The following STARD13 variants were observed in gnomAD, a reference collection of about 807,000 sequenced individuals.
STARD13 encodes the protein StAR related lipid transfer domain containing 13.
A neutral mutation model predicts 106.4 loss-of-function variants in STARD13; 62 were observed. That is an observed-to-expected ratio of 0.58 (90% CI 0.48 to 0.72). STARD13 has a LOEUF of 0.72. STARD13 is among the 30% of genes least tolerant of loss of function. The pLI is 0.00. For missense variants in STARD13, 1,387 were observed against 1,424.0 expected, an observed-to-expected ratio of 0.97 and a Z score of 0.42; for synonymous variants, 565 against 553.0, an observed-to-expected ratio of 1.02 and a Z score of -0.31.
chr13:33,471,430 C>T, the STARD13 span, among the ~76,000 whole-genome samples: 2 of 152,272 alleles, frequency 1.3e-5, no homozygotes, highest in East Asian at 1.9e-4. Context: ...CTTCTAAACC[C>T]ACAGATCTAT....
the STARD13 span, among the ~76,000 whole-genome samples, chr13:33,543,880 C>T: frequency 6.6e-6 from 1 of 152,186 alleles, no homozygotes; most frequent in Non-Finnish European, 1.5e-5. Flanking sequence ...GCAGGACAGA[C>T]GGTACTAAAA....
intron 9 of STARD13, among the ~76,000 whole-genome samples, chr13:33,112,219 C>T (rs545420189): frequency 6.6e-6 from 1 of 152,268 alleles, no homozygotes; most frequent in South Asian, 2.1e-4. Flanking sequence ...TTGTAAAATA[C>T]TACTTTGTGT....
chr13:33,216,219 T>C (rs55887935), intron 1 of STARD13, among the ~76,000 whole-genome samples: 248 of 152,316 alleles, frequency 1.6e-3, no homozygotes, highest in African/African-American at 5.9e-3. Flanking sequence ...ACTGGGTATC[T>C]ACTGAGAGGA....
At chr13:33,650,164 A>ATGTTTTTTTTTTT in the STARD13 span, among the ~76,000 whole-genome samples, 22 of 48,380 alleles carry the variant, frequency 4.5e-4, 1 homozygote, top group East Asian at 2.9e-3. Flanking sequence ...CGTGACTCCA[A>ATGTTTTTTTTTTT]TTTTTTTTTT....
the STARD13 span, among the ~76,000 whole-genome samples, chr13:33,461,384 C>T: frequency 0.16 from 23,693 of 152,090 alleles, 2,640 homozygotes; most frequent in African/African-American, 0.31. Context: ...ATGCTAAGTG[C>T]TTGTGCTAAG....
At chr13:33,643,226 G>A in the STARD13 span, among the ~76,000 whole-genome samples, 19 of 151,404 alleles carry the variant, frequency 1.3e-4, no homozygotes, top group African/African-American at 4.4e-4. Context: ...CTTTTAGGAA[G>A]AGCTTGACTG....
At chr13:33,510,162 C>T in the STARD13 span, among the ~76,000 whole-genome samples, 32 of 152,244 alleles carry the variant, frequency 2.1e-4, no homozygotes, top group Middle Eastern at 3.4e-3. Context: ...TATCTTTTAG[C>T]CAGAGGTTGC....
At chr13:33,186,519 T>C (rs1441940135) in intron 1 of STARD13, among the ~76,000 whole-genome samples, 2 of 152,204 alleles carry the variant, frequency 1.3e-5, no homozygotes, top group African/African-American at 4.8e-5. Flanking sequence ...GCAGCAAAGA[T>C]GATGATTCTA....
intron 1 of STARD13, among the ~76,000 whole-genome samples, chr13:33,184,500 A>T (rs1469485834): frequency 6.6e-6 from 1 of 152,146 alleles, no homozygotes; most frequent in Non-Finnish European, 1.5e-5. Flanking sequence ...TTGGAATTTT[A>T]AAAAAATCTT....
chr13:33,142,195 TTTA>T, intron 4 of STARD13, 112 bp downstream of exon 4: 9 of 812,370 alleles, frequency 1.1e-5, no homozygotes, highest in Non-Finnish European at 1.2e-5. Context: ...GCCCAGCTAA[TTTA>T]TTATTATTAT....
chr13:33,393,799 A>G, the STARD13 span, among the ~76,000 whole-genome samples: 1 of 152,258 alleles, frequency 6.6e-6, no homozygotes, highest in South Asian at 2.1e-4. Flanking sequence ...ACCAAGGTCT[A>G]TTGGATACCC....
chr13:33,141,812 C>A (rs1004176479), intron 4 of STARD13, among the ~76,000 whole-genome samples: 1 of 152,096 alleles, frequency 6.6e-6, no homozygotes, highest in African/African-American at 2.4e-5. Context: ...AAGGGGTTGA[C>A]ATTTACAACG....
the STARD13 span, among the ~76,000 whole-genome samples, chr13:33,534,635 T>C: frequency 6.6e-6 from 1 of 152,206 alleles, no homozygotes; most frequent in Non-Finnish European, 1.5e-5. Context: ...ATATATAGAA[T>C]ACACTGTTGA....
chr13:33,350,618 G>A (rs960039196), exon 1 of STARD13: 6 of 1,381,424 alleles, frequency 4.3e-6, no homozygotes, highest in South Asian at 3.2e-5. Flanking sequence ...CAGAAACGCC[G>A]CGCTAGGTTA....
chr13:33,205,647 C>G (rs562548521), intron 1 of STARD13, among the ~76,000 whole-genome samples: 1 of 152,168 alleles, frequency 6.6e-6, no homozygotes. Context: ...GCCAAAATGA[C>G]AGTCACTGCT....
chr13:33,676,771 A>G, the STARD13 span: 8 of 152,178 alleles, frequency 5.3e-5, no homozygotes, highest in African/African-American at 1.9e-4. Flanking sequence ...CATCTGTCAT[A>G]GCACTCCACT....
intron 1 of STARD13, among the ~76,000 whole-genome samples, chr13:33,327,662 T>G (rs1474144058): frequency 6.6e-6 from 1 of 152,228 alleles, no homozygotes; most frequent in East Asian, 1.9e-4. Context: ...TGAGCCATTG[T>G]GCTGGTCCCT....
intron 5 of STARD13, among the ~76,000 whole-genome samples, chr13:33,128,082 T>C (rs1877512929): frequency 6.7e-6 from 1 of 150,318 alleles, no homozygotes; most frequent in South Asian, 2.1e-4. Context: ...GACAGAAAGA[T>C]AGAGACAGAG....
chr13:33,542,888 C>T, the STARD13 span, among the ~76,000 whole-genome samples: 1 of 152,204 alleles, frequency 6.6e-6, no homozygotes, highest in African/African-American at 2.4e-5. Flanking sequence ...CTCTCGGAAC[C>T]TTCCAGAGAA....
Sources: allele counts gnomAD v4.1 joint callset (sites outside exome capture counted in the v4.1 genomes callset), GRCh38; gene constraint gnomAD v4.1.1; transcripts MANE v1.5; gene names NCBI Gene and HGNC (gene_info 2026-07-23, HGNC 2026-07-21).